EIF2AK3: variants seen among roughly 807,000 people sequenced by gnomAD.
EIF2AK3 encodes the protein eukaryotic translation initiation factor 2-alpha kinase 3.
In EIF2AK3, 50 loss-of-function variants were observed where a neutral mutation model predicts 113.5. The observed-to-expected ratio is 0.44, with a 90% CI of 0.35 to 0.56. The LOEUF (loss-of-function observed/expected upper bound fraction) is 0.56. Ranked by LOEUF, EIF2AK3 falls within the 20% of genes least tolerant of loss-of-function variation. The pLI, the probability that EIF2AK3 is intolerant of heterozygous loss-of-function variation, is 0.00. For missense variants in EIF2AK3, 1,185 were observed against 1,378.0 expected, an observed-to-expected ratio of 0.86 and a Z score of 2.22; for synonymous variants, 448 against 495.4, an observed-to-expected ratio of 0.90 and a Z score of 1.27.
chr2:88,579,939 C>G (rs1252592292), intron 10 of EIF2AK3: 5 of 311,282 alleles, frequency 1.6e-5, no homozygotes, highest in Non-Finnish European at 3.1e-5. Flanking sequence ...CTGTCCAATA[C>G]TTCCTATCAT....
chr2:88,626,694 T>C (rs1675867791), intron 1 of EIF2AK3, among the ~76,000 whole-genome samples: 1 of 152,268 alleles, frequency 6.6e-6, no homozygotes, highest in Non-Finnish European at 1.5e-5. Context: ...GTGGCGTTTC[T>C]TTGCAACCCT....
At chr2:88,588,399 C>T (rs147806372) in intron 7 of EIF2AK3, among the ~76,000 whole-genome samples, 26 of 152,222 alleles carry the variant, frequency 1.7e-4, no homozygotes, top group African/African-American at 5.8e-4. Context: ...GATTTCTATT[C>T]GTTCAGTCTC....
rs754973185 is a variant in EIF2AK3 at position 88,583,431 on chromosome 2, G to A, written c.1762C>T (p.Arg588Ter). Residue 588 changes from arginine (R) to a stop codon, truncating the protein, a stop_gained and splice_region_variant, in exon 10 of 17, where the codon CGA (arginine) becomes TGA (stop). Coordinates refer to ENST00000303236, the MANE Select transcript of EIF2AK3 (RefSeq NM_004836.7). LOFTEE classifies it high-confidence loss of function. ...NDIKNSGYIS[R>*]YLTDFEPIQC... ...GGTTGTATTTTATAAGACTCTTACC[G>A]TGATATATATCCAGAGTTTTTTATG... is the stretch of plus-strand genomic sequence containing the variant. 5.0e-6 allele frequency: 8 copies of A among 1,603,310 alleles called. No homozygotes were observed. Among genetic ancestry groups the A allele is most frequent in the South Asian group, 1.1e-5 (1 of 90,828 alleles).
chr2:88,585,579 AAGGAGACC>A (rs1674699692), intron 9 of EIF2AK3, among the ~76,000 whole-genome samples: 1 of 152,208 alleles, frequency 6.6e-6, no homozygotes, highest in African/African-American at 2.4e-5. Flanking sequence ...CATCACACCC[AAGGAGACC>A]AGGAGAGCAT....
At chr2:88,625,195 G>A (rs1263596828) in intron 1 of EIF2AK3, among the ~76,000 whole-genome samples, 1 of 150,004 alleles carries the variant, frequency 6.7e-6, no homozygotes, top group African/African-American at 2.4e-5. Flanking sequence ...CAGACTATAT[G>A]CATATACAGT....
At chr2:88,572,160 C>G (rs968818146) in intron 13 of EIF2AK3, among the ~76,000 whole-genome samples, 2 of 152,210 alleles carry the variant, frequency 1.3e-5, no homozygotes, top group African/African-American at 4.8e-5. Flanking sequence ...TGGTAATAAT[C>G]TGCAGCTCTC....
At chr2:88,599,471 G>A (rs186285384) in intron 2 of EIF2AK3, among the ~76,000 whole-genome samples, 6 of 151,718 alleles carry the variant, frequency 4.0e-5, no homozygotes, top group East Asian at 3.9e-4. Context: ...GTATTTAGCC[G>A]ATATGATCTT....
chr2:88,571,493 G>A, intron 13 of EIF2AK3, among the ~76,000 whole-genome samples: 1 of 152,202 alleles, frequency 6.6e-6, no homozygotes. Flanking sequence ...AACCCCATTA[G>A]ATGAGTACTA....
chr2:88,578,119 G>T (rs966377439), intron 11 of EIF2AK3, among the ~76,000 whole-genome samples: 2 of 152,052 alleles, frequency 1.3e-5, no homozygotes, highest in African/African-American at 4.8e-5. Flanking sequence ...CTACTCAAAA[G>T]TTATTTACCA....
intron 6 of EIF2AK3, 60 bp from the exon 7 acceptor site, chr2:88,588,961 T>A: frequency 6.4e-7 from 1 of 1,555,494 alleles, no homozygotes; most frequent in South Asian, 1.1e-5. Context: ...TTTTTTTAAT[T>A]AAATAAAATT....
chr2:88,574,517 G>T lies in EIF2AK3; in HGVS notation c.2817+149C>A, dbSNP rs1194098053. On this transcript the variant is annotated intron_variant, in intron 13 of 16. Transcript: ENST00000303236. Reference sequence around the variant, plus strand: ...ATAAGACTTCTTATTCTTGCAGCAGGCCCCTTCGAGGCTACTTTCTCAGAC... The same window carrying T: ...ATAAGACTTCTTATTCTTGCAGCAGTCCCCTTCGAGGCTACTTTCTCAGAC... The T allele has an allele frequency of 6.7e-6, 6 of 893,170 alleles. No homozygotes were observed. The African/African-American group carries it at 1.0e-4, about 15-fold the overall frequency. The allele number at this position is 893,170 out of a possible 1,614,324, so 55.3% of individuals were successfully genotyped here. A position where few individuals can be genotyped will look rare whatever the true frequency, so the allele number is the denominator to read the frequency against.
chr2:88,625,169 A>G (rs78098358), intron 1 of EIF2AK3, among the ~76,000 whole-genome samples: 2,508 of 152,214 alleles, frequency 0.016, 75 homozygotes, highest in African/African-American at 0.056. Flanking sequence ...CCAAGTGACA[A>G]TGATGCTATT....
intron 10 of EIF2AK3, 34 bp from the exon 11 acceptor site, chr2:88,579,674 AAC>A (rs745356956): frequency 5.8e-5 from 93 of 1,600,258 alleles, no homozygotes; most frequent in Non-Finnish European, 7.2e-5. Flanking sequence ...AAAGGTTTGC[AAC>A]AGTTTTAAAT....
Position 88,591,058 on chromosome 2 carries a change from A to G in EIF2AK3, c.768-6T>C. The G allele has an allele frequency of 6.2e-7, 1 of 1,612,462 alleles. No individual in the cohort carries two copies. The highest frequency in any genetic ancestry group is 8.5e-7 in the Non-Finnish European group (1 of 1,178,562). On this transcript the variant is annotated splice_region_variant and splice_polypyrimidine_tract_variant and intron_variant, in intron 4 of 16. Transcript: ENST00000303236. ...GGCCAACACTGAAATTCCACCTTAA[A>G]TTTACAAAGGTGTGTTTTAGAAATT...
In EIF2AK3 at chr2:88,585,741, T is replaced by C. The variant is rs188284583; in HGVS notation, c.1650+100A>G. ...ACTGAGAACTTTGGCAAGAGTAGCT[T>C]TGGTGGAGCAGTAGGGATGGAAGCC... On this transcript the variant is annotated intron_variant, in intron 9 of 16. Coordinates refer to ENST00000303236, the MANE Select transcript of EIF2AK3 (RefSeq NM_004836.7). 11 of 1,149,134 alleles carry C rather than the reference T, an allele frequency of 9.6e-6. No homozygotes were observed. The East Asian group carries it at 2.2e-4, about 23-fold the overall frequency. 71.2% of individuals were successfully genotyped at this position (1,149,134 alleles called of 1,614,324 possible). A position where few individuals can be genotyped will look rare whatever the true frequency, so the allele number is the denominator to read the frequency against.
intron 10 of EIF2AK3, 92 bp from the exon 11 acceptor site, chr2:88,579,732 T>C (rs1573397116): frequency 1.7e-6 from 2 of 1,195,320 alleles, no homozygotes; most frequent in African/African-American, 1.5e-5. Flanking sequence ...CACATAAAAA[T>C]GTATAAACTC....
intron 1 of EIF2AK3, among the ~76,000 whole-genome samples, chr2:88,620,496 A>T (rs1313633637): frequency 3.9e-5 from 6 of 152,254 alleles, no homozygotes; most frequent in Non-Finnish European, 7.3e-5. Flanking sequence ...TCTAGTTCAA[A>T]GCAAAGGAAC....
chr2:88,563,787 T>C lies in EIF2AK3; in HGVS notation c.2986-1397A>G, dbSNP rs1302286466. On this transcript the variant is annotated intron_variant, in intron 14 of 16. Transcript: ENST00000303236. ...ATGGGAAATACTTATATTTTAATAT[T>C]GTATCCAAAATGTTAGAGTAGAATT... 3.9e-5 allele frequency among the ~76,000 whole-genome samples: 6 copies of C among 152,324 alleles called. No individual in the cohort carries two copies. The East Asian group carries it at 1.2e-3, about 29-fold the overall frequency.
chr2:88,610,228 A>G (rs1255343314), intron 2 of EIF2AK3, among the ~76,000 whole-genome samples: 1 of 152,230 alleles, frequency 6.6e-6, no homozygotes, highest in African/African-American at 2.4e-5. Context: ...TGGTAACAGC[A>G]ACAAATTTGT....
Sources: gnomAD v4.1 joint callset for allele counts (sites outside exome capture counted in the v4.1 genomes callset) on GRCh38, gnomAD v4.1.1 for gene constraint, MANE v1.5 for transcripts, NCBI Gene and HGNC (gene_info 2026-07-23, HGNC 2026-07-21) for gene names.